The following UNC79 variants were observed in gnomAD, a reference collection of about 807,000 sequenced individuals.
UNC79 encodes the protein unc-79 subunit of NALCN channel complex.
UNC79 carries 37 observed loss-of-function variants against 283.1 expected under a neutral mutation model. The ratio of observed to expected loss-of-function variants is 0.13; its 90% CI spans 0.10 to 0.17. UNC79 has a LOEUF of 0.17. Ranked by LOEUF, UNC79 falls within the 10% of genes least tolerant of loss-of-function variation. The pLI, the probability that UNC79 is intolerant of heterozygous loss-of-function variation, is 1.00. For synonymous variants in UNC79, 1,107 were observed against 1,200.2 expected, an observed-to-expected ratio of 0.92 and a Z score of 1.61; for missense variants, 2,272 against 3,211.1, an observed-to-expected ratio of 0.71 and a Z score of 7.07.
At chr14:93,580,122 G>T (rs368392597) in intron 18 of UNC79, 27 bp from the exon 19 acceptor site, 1 of 1,582,420 alleles carries the variant, frequency 6.3e-7, no homozygotes, top group Non-Finnish European at 8.6e-7. Flanking sequence ...GTGTGTGTGC[G>T]TGTGTCCTTT....
intron 1 of UNC79, among the ~76,000 whole-genome samples, chr14:93,388,806 A>G (rs2140003008): frequency 6.6e-6 from 1 of 152,264 alleles, no homozygotes; most frequent in Non-Finnish European, 1.5e-5. Context: ...AGGAACCTTG[A>G]TCTTCTTCCT....
At chr14:93,591,818 G>A (rs904533582) in intron 22 of UNC79, among the ~76,000 whole-genome samples, 1 of 152,218 alleles carries the variant, frequency 6.6e-6, no homozygotes. Context: ...CGAGAACTGC[G>A]AGGGATCACT....
intron 19 of UNC79, among the ~76,000 whole-genome samples, chr14:93,580,898 G>A (rs77019101): frequency 0.014 from 2,124 of 151,856 alleles, 62 homozygotes; most frequent in African/African-American, 0.049. Context: ...TTGTGGAGAC[G>A]GGGTTTTGCC....
chr14:93,678,877 G>GA (rs2073588065), intron 41 of UNC79, among the ~76,000 whole-genome samples: 1 of 152,148 alleles, frequency 6.6e-6, no homozygotes, highest in Non-Finnish European at 1.5e-5. Context: ...TTGCTGAATA[G>GA]AAAAATGTCA....
chr14:93,589,278 T>C (rs1003613378), intron 22 of UNC79, among the ~76,000 whole-genome samples: 6 of 151,986 alleles, frequency 3.9e-5, no homozygotes, highest in African/African-American at 7.3e-5. Flanking sequence ...GGTGATATGG[T>C]TATGATGGAA....
chr14:93,355,184 C>T (rs548368747), intron 1 of UNC79, among the ~76,000 whole-genome samples: 1 of 152,180 alleles, frequency 6.6e-6, no homozygotes, highest in South Asian at 2.1e-4. Context: ...CGCCTGCCAC[C>T]ATGCCCGGCT....
chr14:93,360,318 G>A (rs2054193299), intron 1 of UNC79, among the ~76,000 whole-genome samples: 1 of 152,196 alleles, frequency 6.6e-6, no homozygotes, highest in South Asian at 2.1e-4. Context: ...GTGGAAATTA[G>A]TGCCACCATC....
At chr14:93,463,044 T>C (rs2057017409) in intron 1 of UNC79, among the ~76,000 whole-genome samples, 2 of 152,084 alleles carry the variant, frequency 1.3e-5, no homozygotes, top group Admixed American at 6.6e-5. Context: ...GAACAGAGTC[T>C]AGGACTGAGC....
At chr14:93,347,144 C>A in intron 1 of UNC79, 5 of 1,148,250 alleles carry the variant, frequency 4.4e-6, no homozygotes, top group East Asian at 2.7e-5. Flanking sequence ...GGGGCGAGGG[C>A]AGAGCGCCCC....
intron 5 of UNC79, among the ~76,000 whole-genome samples, chr14:93,491,618 T>A (rs2058729344): frequency 6.6e-6 from 1 of 152,214 alleles, no homozygotes; most frequent in Admixed American, 6.5e-5. Context: ...CTTCTTGCAG[T>A]ACTTTAAAAT....
At chr14:93,524,583 A>G (rs559913795) in intron 8 of UNC79, among the ~76,000 whole-genome samples, 3 of 152,356 alleles carry the variant, frequency 2.0e-5, no homozygotes, top group East Asian at 3.9e-4. Context: ...TAAGGTTGCC[A>G]GTTAGCAACA....
intron 1 of UNC79, chr14:93,464,595 C>T (rs1333137734): frequency 4.4e-6 from 2 of 456,034 alleles, no homozygotes; most frequent in African/African-American, 2.0e-5. Flanking sequence ...TAACAGATGG[C>T]TTTTTAAAGT....
chr14:93,517,448 A>G (rs1457296936), intron 7 of UNC79, among the ~76,000 whole-genome samples: 2 of 139,742 alleles, frequency 1.4e-5, no homozygotes, highest in Non-Finnish European at 3.1e-5. Context: ...TTAAATTATT[A>G]TGTTAACTGT....
exon 18 of UNC79, chr14:93,577,999 A>G: frequency 6.2e-7 from 1 of 1,614,232 alleles, no homozygotes; most frequent in Non-Finnish European, 8.5e-7. Context: ...ATTGACTTTG[A>G]TTGTGAAGAT....
chr14:93,427,383 GT>G (rs1444976260), upstream of UNC79, among the ~76,000 whole-genome samples: 4 of 152,156 alleles, frequency 2.6e-5, no homozygotes, highest in Admixed American at 2.0e-4. Context: ...AAAGTGTTAA[GT>G]TTTAAAAAGA....
intron 1 of UNC79, among the ~76,000 whole-genome samples, chr14:93,344,569 A>G (rs2053783792): frequency 6.6e-6 from 1 of 152,144 alleles, no homozygotes; most frequent in South Asian, 2.1e-4. Flanking sequence ...AAAAAAAAAC[A>G]TGGCTCCCAA....
chr14:93,532,533 G>A lies in UNC79; in HGVS notation c.1094-17G>A, dbSNP rs376007425. The A allele has an allele frequency of 5.0e-6, 8 of 1,607,040 alleles. No individual in the cohort carries two copies. Among genetic ancestry groups the A allele is most frequent in the Non-Finnish European group, 6.8e-6 (8 of 1,176,660 alleles). ...CTCTCTTTCTTTGTTGATATTTTGTGTGCCTTCCCCTTACAGCTGAAATAT... is the reference window on the plus strand; with the variant it reads ...CTCTCTTTCTTTGTTGATATTTTGTATGCCTTCCCCTTACAGCTGAAATAT... On this transcript the variant is annotated splice_polypyrimidine_tract_variant and intron_variant, in intron 10 of 48. Transcript: ENST00000555664.
Position 93,614,340 on chromosome 14 carries a change from C to T in UNC79, c.4041+1257C>T, listed in dbSNP as rs1037449048. On this transcript the variant is annotated intron_variant, in intron 27 of 48. Transcript: ENST00000555664. ...ATTTATTTATTTATTTATTTAGAGA[C>T]GGAGTCTCGCTGTGTGGCCAGGCTG... Among the ~76,000 whole-genome samples the T allele has an allele frequency of 3.4e-5, 5 of 149,042 alleles. No homozygotes were observed. The South Asian group carries it at 6.4e-4, about 19-fold the overall frequency.
chr14:93,665,656 G>A (rs573696847), intron 40 of UNC79, among the ~76,000 whole-genome samples: 4 of 151,730 alleles, frequency 2.6e-5, no homozygotes, highest in Non-Finnish European at 4.4e-5. Context: ...CAAGGGAAAA[G>A]ACACTCTGAA....
Sources: gnomAD v4.1 joint callset for allele counts (sites outside exome capture counted in the v4.1 genomes callset) on GRCh38, gnomAD v4.1.1 for gene constraint, MANE v1.5 for transcripts, NCBI Gene and HGNC (gene_info 2026-07-23, HGNC 2026-07-21) for gene names.